MACROD2: variants seen among roughly 807,000 people sequenced by gnomAD.
MACROD2 encodes the protein mono-ADP ribosylhydrolase 2.
MACROD2 carries 36 observed loss-of-function variants against 70.4 expected under a neutral mutation model. The observed-to-expected ratio is 0.51, with a 90% confidence interval of 0.39 to 0.68. MACROD2 has a LOEUF of 0.68. Among genes scored for constraint, MACROD2 ranks in the 30% least tolerant of loss-of-function variants. MACROD2 has a pLI of 0.00. For synonymous variants in MACROD2, 172 were observed against 178.8 expected, an observed-to-expected ratio of 0.96 and a Z score of 0.30; for missense variants, 496 against 538.4, an observed-to-expected ratio of 0.92 and a Z score of 0.78.
In MACROD2 at chr20:14,762,726, T is replaced by C. The variant is rs1028298407; in HGVS notation, c.418+77767T>C. Among the ~76,000 whole-genome samples, 6 of 152,082 alleles carry C rather than the reference T, an allele frequency of 3.9e-5. No individual in the cohort carries two copies. In the East Asian group the frequency reaches 5.8e-4, roughly 15 times the overall value. ...GGGTAGATTGCTTGAGGCCAGGAGT[T>C]TGAGACCAGCCTGTGCAACATGACG... On this transcript the variant is annotated intron_variant, in intron 5 of 17. Transcript: ENST00000684519.
chr20:14,262,064 C>T (rs993894914), intron 3 of MACROD2, among the ~76,000 whole-genome samples: 5 of 151,986 alleles, frequency 3.3e-5, no homozygotes, highest in African/African-American at 1.2e-4. Context: ...AAGGCTTTAC[C>T]AGGTAGAGGA....
At chr20:14,037,333 C>A (rs867027551) in intron 2 of MACROD2, among the ~76,000 whole-genome samples, 9 of 152,216 alleles carry the variant, frequency 5.9e-5, no homozygotes, top group African/African-American at 2.2e-4. Flanking sequence ...TATAAAAATT[C>A]TACAATTATA....
At chr20:15,560,975 G>T (rs2048236471) in intron 8 of MACROD2, among the ~76,000 whole-genome samples, 1 of 152,016 alleles carries the variant, frequency 6.6e-6, no homozygotes, top group South Asian at 2.1e-4. Flanking sequence ...GGCCACAAAA[G>T]AGCTCTTACT....
At chr20:15,044,133 G>C (rs528074881) in intron 5 of MACROD2, among the ~76,000 whole-genome samples, 1 of 152,132 alleles carries the variant, frequency 6.6e-6, no homozygotes, top group Non-Finnish European at 1.5e-5. Flanking sequence ...GGGGCTGAAA[G>C]GTGCCAACCC....
intron 5 of MACROD2, among the ~76,000 whole-genome samples, chr20:14,774,682 G>A (rs1489871674): frequency 1.3e-5 from 2 of 152,042 alleles, no homozygotes; most frequent in Non-Finnish European, 2.9e-5. Context: ...TAATACTTAA[G>A]AGTTTATTAA....
chr20:15,207,448 T>TTGTTTGTTTG (rs1281954415), intron 5 of MACROD2, among the ~76,000 whole-genome samples: 230 of 122,020 alleles, frequency 1.9e-3, no homozygotes, highest in South Asian at 0.018. Flanking sequence ...TTTTTTTTTT[T>TTGTTTGTTTG]TTTTTTTTTC....
rs60183636 is a variant in MACROD2, at chr20:14,993,171, T to C, written c.419-236769T>C. Among the ~76,000 whole-genome samples the C allele has an allele frequency of 9.2e-5, 14 of 152,240 alleles. No homozygotes were observed. The East Asian group carries it at 2.7e-3, about 29-fold the overall frequency. ...TTTCAATTATCTAAAGCCAGTGGAATGTTTAACTGCCCCTTGCTATTCGTG... is the reference window on the plus strand; with the variant it reads ...TTTCAATTATCTAAAGCCAGTGGAACGTTTAACTGCCCCTTGCTATTCGTG... On this transcript the variant is annotated intron_variant, in intron 5 of 17. Transcript: ENST00000684519.
rs566201231 is a variant in MACROD2, at chr20:15,903,471, A to G, written c.775+17660A>G. On this transcript the variant is annotated intron_variant, in intron 10 of 17. Coordinates refer to ENST00000684519, the MANE Select transcript of MACROD2 (RefSeq NM_001351661.2). ...TAACTGGAGAGGTCACTGGAGGCCT[A>G]TCCTGGAGAGGGGTGGGTTCCGCAC... Among the ~76,000 whole-genome samples the G allele has an allele frequency of 3.3e-5, 5 of 152,274 alleles. No individual in the cohort carries two copies. In the South Asian group the frequency reaches 8.3e-4, roughly 25 times the overall value.
At chr20:15,881,599 G>A (rs766007526) in intron 9 of MACROD2, among the ~76,000 whole-genome samples, 3 of 152,130 alleles carry the variant, frequency 2.0e-5, no homozygotes, top group East Asian at 1.9e-4. Context: ...GAGGTTACAT[G>A]TCTTGGGACC....
chr20:14,612,242 AT>A (rs1323351234), intron 4 of MACROD2, among the ~76,000 whole-genome samples: 1 of 152,166 alleles, frequency 6.6e-6, no homozygotes, highest in Non-Finnish European at 1.5e-5. Context: ...CAGTCTTTTG[AT>A]CCCAATAATA....
At chr20:14,421,447 A>G (rs187204976) in intron 3 of MACROD2, among the ~76,000 whole-genome samples, 1 of 152,272 alleles carries the variant, frequency 6.6e-6, no homozygotes, top group East Asian at 1.9e-4. Flanking sequence ...ATTTTAGCAG[A>G]TAGTGAGTTG....
intron 8 of MACROD2, among the ~76,000 whole-genome samples, chr20:15,605,761 A>G (rs994900655): frequency 1.3e-5 from 2 of 152,186 alleles, no homozygotes; most frequent in Non-Finnish European, 2.9e-5. Context: ...TCCATATTTT[A>G]TGACATAGCC....
chr20:15,539,915 G>C (rs953808819), intron 8 of MACROD2, among the ~76,000 whole-genome samples: 1 of 152,226 alleles, frequency 6.6e-6, no homozygotes, highest in Admixed American at 6.5e-5. Flanking sequence ...GTGAACCCGG[G>C]AGGCGGAGCT....
At chr20:15,128,383 T>C (rs1386926083) in intron 5 of MACROD2, among the ~76,000 whole-genome samples, 1 of 152,060 alleles carries the variant, frequency 6.6e-6, no homozygotes, top group Non-Finnish European at 1.5e-5. Flanking sequence ...AGAAAGACAG[T>C]AGGAGACTAA....
chr20:15,580,386 G>T (rs572141833), intron 8 of MACROD2, among the ~76,000 whole-genome samples: 1 of 152,022 alleles, frequency 6.6e-6, no homozygotes, highest in African/African-American at 2.4e-5. Flanking sequence ...ATCTCCCTGG[G>T]ATCATCTGTG....
intron 4 of MACROD2, among the ~76,000 whole-genome samples, chr20:14,658,240 TA>T (rs1249215645): frequency 6.6e-6 from 1 of 152,212 alleles, no homozygotes; most frequent in African/African-American, 2.4e-5. Context: ...ATGCCCTGAT[TA>T]ATTATTCTTT....
intron 10 of MACROD2, among the ~76,000 whole-genome samples, chr20:15,927,732 A>G (rs1394045474): frequency 6.6e-6 from 1 of 152,210 alleles, no homozygotes; most frequent in Non-Finnish European, 1.5e-5. Context: ...GGCAGCCAAC[A>G]TGGAAACTTT....
In MACROD2 at chr20:14,913,974, G is replaced by A. The variant is rs2074059866; in HGVS notation, c.418+229015G>A. On this transcript the variant is annotated intron_variant, in intron 5 of 17. Transcript: ENST00000684519. ...TAGCGCAAGGCAGCTAAGTGGTGCTGGAATAATTTCTCTTTGTTTGGCTGC... is the reference window on the plus strand; with the variant it reads ...TAGCGCAAGGCAGCTAAGTGGTGCTAGAATAATTTCTCTTTGTTTGGCTGC... Among the ~76,000 whole-genome samples, 5 of 152,148 alleles carry A rather than the reference G, an allele frequency of 3.3e-5. 1 individual carries two copies. Among genetic ancestry groups the A allele is most frequent in the South Asian group, 4.1e-4 (2 of 4,820 alleles).
At chr20:14,777,976 A>G (rs903631424) in intron 5 of MACROD2, among the ~76,000 whole-genome samples, 3 of 152,122 alleles carry the variant, frequency 2.0e-5, no homozygotes, top group African/African-American at 7.2e-5. Flanking sequence ...TAAAACTTTC[A>G]ATAATGGGTT....
Sources: allele counts gnomAD v4.1 joint callset (sites outside exome capture counted in the v4.1 genomes callset), GRCh38; gene constraint gnomAD v4.1.1; transcripts MANE v1.5; gene names NCBI Gene and HGNC (gene_info 2026-07-23, HGNC 2026-07-21).